TNIP3: variants seen among roughly 807,000 people sequenced by gnomAD.
TNIP3 encodes the protein TNFAIP3-interacting protein 3.
Under a neutral mutation model 54.1 loss-of-function variants are expected in TNIP3, and 34 were observed. The ratio of observed to expected loss-of-function variants is 0.63; its 90% CI spans 0.48 to 0.84. The LOEUF is 0.84. TNIP3 is among the 40% of genes least tolerant of loss of function. The probability of loss-of-function intolerance (pLI) is 0.00; values close to 1 mark genes in which losing one functional copy is unlikely to be tolerated. For synonymous variants in TNIP3, 134 were observed against 136.8 expected (o/e 0.98, Z 0.14); for missense variants, 366 against 387.6 (o/e 0.94, Z 0.47).
At chr4:121,152,113 C>A (rs1281296315) in intron 5 of TNIP3, among the ~76,000 whole-genome samples, 7 of 152,070 alleles carry the variant, frequency 4.6e-5, no homozygotes, top group African/African-American at 1.2e-4. Context: ...ATGTTAATTA[C>A]AAGGCTGACA....
chr4:121,148,519 T>C (rs1280515066), intron 6 of TNIP3, among the ~76,000 whole-genome samples: 2 of 152,222 alleles, frequency 1.3e-5, no homozygotes, highest in African/African-American at 2.4e-5. Flanking sequence ...GCTTTTGGTT[T>C]TTGAAGAAAT....
intron 2 of TNIP3, among the ~76,000 whole-genome samples, chr4:121,205,083 G>A (rs1726107161): frequency 6.6e-6 from 1 of 152,108 alleles, no homozygotes; most frequent in Non-Finnish European, 1.5e-5. Context: ...ATTTTAACAG[G>A]TAATAGGTGT....
At chr4:121,226,105 A>T (rs1424276643) in intron 1 of TNIP3, among the ~76,000 whole-genome samples, 1 of 151,710 alleles carries the variant, frequency 6.6e-6, no homozygotes, top group African/African-American at 2.4e-5. Flanking sequence ...ACCAAGCAGA[A>T]GGGGAGACAG....
At chr4:121,154,835 T>C (rs1051099868) in intron 4 of TNIP3, among the ~76,000 whole-genome samples, 156 bp from the exon 5 acceptor site, 1 of 152,142 alleles carries the variant, frequency 6.6e-6, no homozygotes, top group Admixed American at 6.5e-5. Flanking sequence ...AAACTTAATG[T>C]TCCATTTGAG....
rs542742034 is a variant in TNIP3, at chr4:121,177,302, C to A, written c.189+5374G>T. On this transcript the variant is annotated intron_variant, in intron 3 of 12. Coordinates refer to the TNIP3 transcript ENST00000507879. ...TAGGCAATTATTTTTCCTTTGCCTA[C>A]AAGATTTTAAATGACCTTTGGTCAC... Among the ~76,000 whole-genome samples the A allele has an allele frequency of 2.0e-5, 3 of 152,250 alleles. No individual in the cohort carries two copies. In the East Asian group the frequency reaches 5.8e-4, roughly 29 times the overall value.
At chr4:121,168,364 G>T (rs767974828), upstream of TNIP3, among the ~76,000 whole-genome samples, 5 of 151,680 alleles carry the variant, frequency 3.3e-5, no homozygotes, top group Non-Finnish European at 5.9e-5. Flanking sequence ...GCACCACCAT[G>T]CCTGGCTAAT....
At chr4:121,218,469 G>C (rs1251704306), upstream of TNIP3, among the ~76,000 whole-genome samples, 2 of 152,072 alleles carry the variant, frequency 1.3e-5, no homozygotes, top group African/African-American at 4.8e-5. Context: ...GTGACAATCA[G>C]AAAAGTCAAT....
chr4:121,223,014 C>T (rs894538278), intron 1 of TNIP3, among the ~76,000 whole-genome samples: 1 of 152,124 alleles, frequency 6.6e-6, no homozygotes, highest in East Asian at 1.9e-4. Flanking sequence ...ACCGTGTTAG[C>T]CAGGATGGTC....
rs180747177 is a variant in TNIP3, at chr4:121,179,449, T to C, written c.189+3227A>G. ...CAAGTATTACATCCTTCTTCTAATG[T>C]TTTGTTCTAAATGTGACAGAAGCTA... On this transcript the variant is annotated intron_variant, in intron 3 of 12. Transcript: ENST00000507879. 5.8e-4 allele frequency among the ~76,000 whole-genome samples: 88 copies of C among 152,354 alleles called. 1 individual carries two copies. Among genetic ancestry groups the C allele is most frequent in the African/African-American group, 2.1e-3 (86 of 41,590 alleles).
chr4:121,161,768 A>G (rs1421216330), intron 1 of TNIP3, among the ~76,000 whole-genome samples: 2 of 152,204 alleles, frequency 1.3e-5, no homozygotes, highest in Non-Finnish European at 2.9e-5. Context: ...AGCTCTTTGA[A>G]TAAAGTCACT....
At chr4:121,201,827 T>C (rs1725906896) in intron 2 of TNIP3, among the ~76,000 whole-genome samples, 1 of 152,222 alleles carries the variant, frequency 6.6e-6, no homozygotes, top group Admixed American at 6.5e-5. Context: ...TTAAGGAAAC[T>C]GCCTAAACTC....
intron 6 of TNIP3, among the ~76,000 whole-genome samples, chr4:121,148,951 C>T (rs1219644951): frequency 6.6e-6 from 1 of 152,172 alleles, no homozygotes; most frequent in East Asian, 1.9e-4. Flanking sequence ...ATGTTACTGA[C>T]AATGTGTGCC....
At chr4:121,148,797 G>A (rs777645093) in intron 6 of TNIP3, among the ~76,000 whole-genome samples, 1 of 152,188 alleles carries the variant, frequency 6.6e-6, no homozygotes, top group Non-Finnish European at 1.5e-5. Flanking sequence ...CACAATTGCT[G>A]AATTTTTCCA....
intron 3 of TNIP3, chr4:121,182,615 T>G: frequency 2.6e-6 from 4 of 1,518,314 alleles, no homozygotes; most frequent in Non-Finnish European, 3.5e-6. Flanking sequence ...CACAAATTCT[T>G]CTTGATGAAT....
intron 10 of TNIP3, among the ~76,000 whole-genome samples, chr4:121,133,122 C>T (rs1309256904): frequency 3.3e-5 from 5 of 152,010 alleles, no homozygotes; most frequent in Non-Finnish European, 7.4e-5. Context: ...TCATGAAGAC[C>T]AATATGAAAA....
intron 2 of TNIP3, among the ~76,000 whole-genome samples, chr4:121,183,247 C>T (rs1724818209): frequency 6.6e-6 from 1 of 152,216 alleles, no homozygotes; most frequent in African/African-American, 2.4e-5. Flanking sequence ...AAACTCAGAC[C>T]TGTAGAATTC....
At chr4:121,141,243 C>G (rs1014754865) in intron 9 of TNIP3, among the ~76,000 whole-genome samples, 3 of 152,174 alleles carry the variant, frequency 2.0e-5, no homozygotes, top group Non-Finnish European at 4.4e-5. Flanking sequence ...CTCACTAATT[C>G]AGGTTGACTG....
At chr4:121,171,472 A>T (rs1723936622) in intron 3 of TNIP3, among the ~76,000 whole-genome samples, 1 of 152,160 alleles carries the variant, frequency 6.6e-6, no homozygotes, top group African/African-American at 2.4e-5. Context: ...CAACTTTCCT[A>T]CATGTTTGAA....
At chr4:121,144,673 A>T (rs1729327468) in intron 7 of TNIP3, among the ~76,000 whole-genome samples, 1 of 152,224 alleles carries the variant, frequency 6.6e-6, no homozygotes, top group South Asian at 2.1e-4. Context: ...AAGTGCTGGG[A>T]TTACAGGCAT....
Sources: allele counts gnomAD v4.1 joint callset (sites outside exome capture counted in the v4.1 genomes callset), GRCh38; gene constraint gnomAD v4.1.1; transcripts MANE v1.5; gene names NCBI Gene and HGNC (gene_info 2026-07-23, HGNC 2026-07-21).